ST3GAL5: variants seen among roughly 807,000 people sequenced by gnomAD.
ST3GAL5 encodes the protein lactosylceramide alpha-2,3-sialyltransferase.
ST3GAL5 carries 25 observed loss-of-function variants against 46.1 expected under a neutral mutation model. The observed-to-expected ratio is 0.54, with a 90% CI of 0.40 to 0.76. The LOEUF is 0.76. Among genes scored for constraint, ST3GAL5 ranks in the 30% least tolerant of loss-of-function variants. ST3GAL5 has a pLI of 0.00. For missense variants in ST3GAL5, 431 were observed against 521.2 expected, an observed-to-expected ratio of 0.83 and a Z score of 1.69; for synonymous variants, 182 against 192.7, an observed-to-expected ratio of 0.94 and a Z score of 0.46.
At position 85,838,298 on chromosome 2, in the gene ST3GAL5, A is replaced by C. The variant is rs542162588; in HGVS notation, c.*1846T>G. On this transcript the variant is annotated 3_prime_UTR_variant, in exon 7 of 7. Coordinates refer to ENST00000638572, the MANE Select transcript of ST3GAL5 (RefSeq NM_003896.4). ...ACCACACATCCCAGCAGCCTTGAGA[A>C]GCAGGTAGGCAAGTCTCCTCATACC... The C allele has an allele frequency of 8.5e-5, 13 of 152,210 alleles. No homozygotes were observed. The highest frequency in any genetic ancestry group is 3.1e-4 in the African/African-American group (13 of 41,508). 9.4% of individuals were successfully genotyped at this position (152,210 alleles called of 1,614,324 possible). A position where few individuals can be genotyped will look rare whatever the true frequency, so the allele number is the denominator to read the frequency against.
intron 1 of ST3GAL5, 75 bp downstream of exon 1, chr2:85,888,749 G>T: frequency 9.1e-7 from 1 of 1,099,292 alleles, no homozygotes; most frequent in Non-Finnish European, 1.1e-6. Flanking sequence ...AGCCGGCCCG[G>T]GAAGAGACAA....
intron 3 of ST3GAL5, chr2:85,854,648 G>C (rs1459686971): frequency 1.3e-5 from 2 of 152,208 alleles, no homozygotes; most frequent in Non-Finnish European, 2.9e-5. Context: ...ACAATCTAGA[G>C]TTCACAGGTA....
intron 5 of ST3GAL5, 57 bp from the exon 6 acceptor site, chr2:85,844,611 T>C: frequency 6.2e-7 from 1 of 1,608,322 alleles, no homozygotes; most frequent in South Asian, 1.1e-5. Flanking sequence ...GGAGAAAGCA[T>C]TCCCACTCAT....
chr2:85,843,178 T>C (rs1682358065), intron 6 of ST3GAL5, among the ~76,000 whole-genome samples: 1 of 152,260 alleles, frequency 6.6e-6, no homozygotes, highest in Non-Finnish European at 1.5e-5. Flanking sequence ...AATCCCATAA[T>C]AATGAACATT....
intron 1 of ST3GAL5, 71 bp from the exon 2 acceptor site, chr2:85,863,556 C>G (rs1316875085): frequency 6.4e-7 from 1 of 1,553,454 alleles, no homozygotes; most frequent in Non-Finnish European, 8.9e-7. Context: ...TTATGGTTTT[C>G]AAAGAGCCTT....
chr2:85,847,291 C>CTGTGTCAAGTCTTCTG (rs1682909600), intron 4 of ST3GAL5: 2 of 864,238 alleles, frequency 2.3e-6, no homozygotes, highest in Non-Finnish European at 2.8e-6. Context: ...CCTCTTCTTG[C>CTGTGTCAAGTCTTCTG]CCCTGTCTGG....
chr2:85,851,434 G>A (rs1006747580), intron 3 of ST3GAL5: 24 of 1,217,062 alleles, frequency 2.0e-5, no homozygotes, highest in Admixed American at 2.9e-5. Context: ...GGCTTTTTCT[G>A]TAGAGAGCTC....
chr2:85,888,915 G>T lies in ST3GAL5; in HGVS notation c.-10C>A, dbSNP rs1688078112. 7.4e-7 allele frequency: 1 copy of T among 1,350,860 alleles called. No homozygotes were observed. Among genetic ancestry groups the T allele is most frequent in the Non-Finnish European group, 9.6e-7 (1 of 1,044,848 alleles). The allele number at this position is 1,350,860 out of a possible 1,614,324, so 83.7% of individuals were successfully genotyped here. Reference sequence around the variant, plus strand: ...CCGCCTTCGTCCGCATACTAATGAGGGGGCGCCGGCCGGCCGCCAGCCCGG... The same window carrying T: ...CCGCCTTCGTCCGCATACTAATGAGTGGGCGCCGGCCGGCCGCCAGCCCGG... On this transcript the variant is annotated 5_prime_UTR_variant, in exon 1 of 7. Transcript: ENST00000638572.
chr2:85,850,076 T>C (rs1421696590), intron 3 of ST3GAL5: 1 of 152,198 alleles, frequency 6.6e-6, no homozygotes, highest in Non-Finnish European at 1.5e-5. Flanking sequence ...TAGGAATGCA[T>C]CTATCCTATT....
intron 4 of ST3GAL5, 130 bp downstream of exon 4, chr2:85,847,731 G>A: frequency 7.3e-7 from 1 of 1,372,112 alleles, no homozygotes; most frequent in East Asian, 2.5e-5. Flanking sequence ...GGAAGTTGAG[G>A]CTGCAGTGAG....
At chr2:85,856,095 A>G (rs1246561796) in intron 3 of ST3GAL5, 1 of 152,212 alleles carries the variant, frequency 6.6e-6, no homozygotes, top group Non-Finnish European at 1.5e-5. Context: ...TTCCTAGTAT[A>G]TACATAAAAG....
intron 3 of ST3GAL5, chr2:85,848,467 A>T: frequency 7.5e-7 from 1 of 1,332,628 alleles, no homozygotes. Flanking sequence ...CCCGCCTCCC[A>T]CCCCCAGCCT....
intron 1 of ST3GAL5, among the ~76,000 whole-genome samples, chr2:85,866,603 A>G (rs1685311872): frequency 6.6e-6 from 1 of 152,194 alleles, no homozygotes; most frequent in Admixed American, 6.5e-5. Flanking sequence ...CTGGAATCCC[A>G]CCCAATAATC....
intron 1 of ST3GAL5, among the ~76,000 whole-genome samples, chr2:85,882,599 G>T (rs1259924684): frequency 6.6e-6 from 1 of 152,122 alleles, no homozygotes; most frequent in African/African-American, 2.4e-5. Flanking sequence ...TTGGGAGGCC[G>T]AGGTGGATCA....
At chr2:85,888,659 C>T (rs1414486255) in intron 1 of ST3GAL5, 165 bp downstream of exon 1, 2 of 422,746 alleles carry the variant, frequency 4.7e-6, no homozygotes, top group Non-Finnish European at 7.2e-6. Flanking sequence ...CGACCCTCCG[C>T]CCGCGCCCCA....
intron 1 of ST3GAL5, among the ~76,000 whole-genome samples, chr2:85,869,094 G>C (rs2104129414): frequency 6.6e-6 from 1 of 152,292 alleles, no homozygotes; most frequent in Admixed American, 6.5e-5. Flanking sequence ...CTGTTGCCAA[G>C]GCAACAGTGC....
intron 1 of ST3GAL5, among the ~76,000 whole-genome samples, chr2:85,886,755 T>A (rs547871296): frequency 6.6e-6 from 1 of 152,278 alleles, no homozygotes; most frequent in East Asian, 1.9e-4. Context: ...AGGCCTGTGA[T>A]TCACCCCACT....
chr2:85,870,233 T>C (rs1212073920), intron 1 of ST3GAL5: 1 of 470,950 alleles, frequency 2.1e-6, no homozygotes, highest in African/African-American at 2.0e-5. Flanking sequence ...GGGTCTCTGC[T>C]TTGCACACCA....
chr2:85,877,429 A>G (rs1686703533), intron 1 of ST3GAL5, among the ~76,000 whole-genome samples: 1 of 152,234 alleles, frequency 6.6e-6, no homozygotes, highest in African/African-American at 2.4e-5. Context: ...ATTATTTTGT[A>G]GAAAGTCCCT....
Sources: gnomAD v4.1 joint callset for allele counts (sites outside exome capture counted in the v4.1 genomes callset) on GRCh38, gnomAD v4.1.1 for gene constraint, MANE v1.5 for transcripts, NCBI Gene and HGNC (gene_info 2026-07-23, HGNC 2026-07-21) for gene names.